Variants in SPTB observed in about 807,000 individuals in gnomAD.
SPTB encodes spectrin beta, erythrocytic, also known as spectrin beta chain, erythrocytic.
Under a neutral mutation model 256.2 loss-of-function variants are expected in SPTB, and 45 were observed. That is an observed-to-expected ratio of 0.18 (90% CI 0.14 to 0.23). The LOEUF (loss-of-function observed/expected upper bound fraction) is 0.23, where lower values mean the gene tolerates loss of function less well. SPTB is among the 10% of genes least tolerant of loss of function. SPTB has a pLI of 1.00. For synonymous variants in SPTB, 1,231 were observed against 1,243.1 expected, an observed-to-expected ratio of 0.99 and a Z score of 0.21; for missense variants, 2,715 against 3,040.4, an observed-to-expected ratio of 0.89 and a Z score of 2.52.
intron 1 of SPTB, among the ~76,000 whole-genome samples, chr14:64,839,608 TATAA>T (rs998876610): frequency 2.2e-4 from 33 of 152,284 alleles, no homozygotes; most frequent in African/African-American, 7.5e-4. Flanking sequence ...AAACTAAAAT[TATAA>T]ATAAACATAA....
rs375124101 is a variant in SPTB, at chr14:64,749,615, C to T, written c.6819+39G>A. The T allele has an allele frequency of 3.3e-5, 53 of 1,612,772 alleles. No individual in the cohort carries two copies. In the South Asian group the frequency reaches 4.3e-4, roughly 13 times the overall value. Reference sequence around the variant, plus strand: ...GCGGCCTGGGGTCCTCCACCTACCCCCTTCTTAGCCAGGTCTGGGCTAGGC... The same window carrying T: ...GCGGCCTGGGGTCCTCCACCTACCCTCTTCTTAGCCAGGTCTGGGCTAGGC... On this transcript the variant is annotated intron_variant, in intron 35 of 35. Coordinates refer to ENST00000644917, the MANE Select transcript of SPTB (RefSeq NM_001355436.2). This position sits in a 1 kb window ranked among gnomAD's most constrained non-coding sequence, Gnocchi z 4.7.
chr14:64,786,743 C>T lies in SPTB; in HGVS notation c.3222G>A (p.Gln1074=), dbSNP rs1483786886. The change falls in exon 16 of 36, where the codon CAG becomes CAA. Residue 1074 remains glutamine, a synonymous_variant. Coordinates refer to ENST00000644917, the MANE Select transcript of SPTB (RefSeq NM_001355436.2). The surrounding 1 kb of genome is among the most constrained non-coding windows in gnomAD (Gnocchi z 5.6). ...QAFLQDLDDF[Q]AWLSITQKAV... is the part of the protein sequence containing the mutation. ...CCTTCTGGGTGATGGAGAGCCAGGC[C>T]TGGAAGTCATCCAGATCCTGCAGGA... 6.2e-7 allele frequency: 1 copy of T among 1,614,146 alleles called. No individual in the cohort carries two copies. The highest frequency in any genetic ancestry group is 8.5e-7 in the Non-Finnish European group (1 of 1,180,038).
chr14:64,838,068 T>C (rs796859988), intron 1 of SPTB, among the ~76,000 whole-genome samples: 2 of 152,174 alleles, frequency 1.3e-5, no homozygotes, highest in Non-Finnish European at 2.9e-5. Context: ...GGCAAGAAGA[T>C]AGACATATAT....
intron 33 of SPTB, 23 bp downstream of exon 33, chr14:64,753,514 C>T (rs1229274911): frequency 6.2e-7 from 1 of 1,613,018 alleles, no homozygotes; most frequent in Admixed American, 1.7e-5. Flanking sequence ...CTACCCTCAG[C>T]CAGCAGCCTC....
Position 64,765,061 on chromosome 14 carries a change from GTGGA to G in SPTB, c.6345+1661_6345+1664del, listed in dbSNP as rs1190064724. Among the ~76,000 whole-genome samples the G allele has an allele frequency of 4.9e-5, 6 of 122,726 alleles. No individual in the cohort carries two copies. In the South Asian group the frequency reaches 7.5e-4, roughly 15 times the overall value. The allele number at this position is 122,726 out of a possible 152,430, so 80.5% of individuals were successfully genotyped here. ...GTGTGTGCGCGCGCGCGCGCGGGTG[GTGGA>G]TGGGGGTGGGTGGGGAGGGCATCTG... On this transcript the variant is annotated intron_variant, in intron 32 of 35. Transcript: ENST00000644917.
chr14:64,753,568 G>C lies in SPTB; in HGVS notation c.6571C>G (p.Leu2191Val). ...MEGYLGRKHD[L>V]EGPNKKASNR... ...GAAGCCTTCTTGTTGGGCCCCTCCAGGTCATGCTTGCGGCCCAGGTAGCCT... is the reference window on the plus strand; with the variant it reads ...GAAGCCTTCTTGTTGGGCCCCTCCACGTCATGCTTGCGGCCCAGGTAGCCT... The change falls in exon 33 of 36, where the codon CTG becomes GTG. Residue 2191 changes from leucine to valine, a missense_variant. By Grantham distance (32) the Leu-to-Val change is conservative. Transcript: ENST00000644917. 1 of 1,613,496 alleles carries C rather than the reference G, an allele frequency of 6.2e-7. No individual in the cohort carries two copies. Among genetic ancestry groups the C allele is most frequent in the Non-Finnish European group, 8.5e-7 (1 of 1,179,994 alleles).
Position 64,753,797 on chromosome 14 carries a change from C to T in SPTB, c.6346-4G>A, listed in dbSNP as rs748553498. 18 of 1,612,440 alleles carry T rather than the reference C, an allele frequency of 1.1e-5. No homozygotes were observed. The highest frequency in any genetic ancestry group is 1.4e-5 in the Non-Finnish European group (16 of 1,180,012). ...GCCACGTTCCCTCTTCTTCCCCCTG[C>T]TCAGGGCATAGGGAGGAGCACACCT... On this transcript the variant is annotated splice_polypyrimidine_tract_variant and splice_region_variant and intron_variant, in intron 32 of 35. Transcript: ENST00000644917.
rs549559478 is a variant in SPTB, at chr14:64,852,059, A to G, written c.-52+27733T>C. On this transcript the variant is annotated intron_variant, in intron 1 of 35. Transcript: ENST00000644917. The surrounding 1 kb of genome is among the most constrained non-coding windows in gnomAD (Gnocchi z 4.2). ...ATTTAAAAAGCCCCCAGTAGCTTGCAGTTGAGTATTTGAAAAGTTGTAAAA... is the reference window on the plus strand; with the variant it reads ...ATTTAAAAAGCCCCCAGTAGCTTGCGGTTGAGTATTTGAAAAGTTGTAAAA... Among the ~76,000 whole-genome samples, 1 of 152,212 alleles carries G rather than the reference A, an allele frequency of 6.6e-6. No homozygotes were observed. Among genetic ancestry groups the G allele is most frequent in the Non-Finnish European group, 1.5e-5 (1 of 68,030 alleles).
intron 1 of SPTB, among the ~76,000 whole-genome samples, chr14:64,850,827 T>G (rs1454606110): frequency 6.6e-6 from 1 of 152,228 alleles, no homozygotes; most frequent in African/African-American, 2.4e-5. Context: ...AACTCTGTTC[T>G]TCTGAAGTAT....
At chr14:64,763,996 C>A (rs1294498042) in intron 32 of SPTB, among the ~76,000 whole-genome samples, 2 of 152,136 alleles carry the variant, frequency 1.3e-5, no homozygotes, top group African/African-American at 4.8e-5. Flanking sequence ...CCCATCAGTT[C>A]CCCCCAGCAG....
At chr14:64,815,077 C>T (rs1048704074) in intron 2 of SPTB, among the ~76,000 whole-genome samples, 1 of 151,948 alleles carries the variant, frequency 6.6e-6, no homozygotes, top group African/African-American at 2.4e-5. Flanking sequence ...GTGAATTTAT[C>T]CAGAGCAAGG....
At chr14:64,830,784 C>T (rs552976712) in intron 1 of SPTB, among the ~76,000 whole-genome samples, 1 of 152,072 alleles carries the variant, frequency 6.6e-6, no homozygotes, top group African/African-American at 2.4e-5. Flanking sequence ...AGCCCTGCAC[C>T]ATTTGGTGCT....
chr14:64,855,856 T>G (rs957244411), intron 1 of SPTB, among the ~76,000 whole-genome samples: 1 of 152,118 alleles, frequency 6.6e-6, no homozygotes, highest in African/African-American at 2.4e-5. Flanking sequence ...CTCCACCCCT[T>G]CCTGTAGGGC....
chr14:64,776,280 A>T (rs2082354442), intron 22 of SPTB, among the ~76,000 whole-genome samples: 1 of 152,166 alleles, frequency 6.6e-6, no homozygotes, highest in South Asian at 2.1e-4. Context: ...AACCACATCT[A>T]CAAGTCACAT....
intron 10 of SPTB, among the ~76,000 whole-genome samples, chr14:64,797,187 C>T (rs1024331308): frequency 2.0e-5 from 3 of 152,026 alleles, no homozygotes; most frequent in South Asian, 2.1e-4. Context: ...AAAATGGACT[C>T]GGAGGCTGGG....
rs2082656326 is a variant in SPTB, at chr14:64,790,816, A to G, written c.2804+903T>C. ...GAATGCAGGCATTTGCGGTGTCCTCAAAGATCCTCCAGGAACTCATGGGCA... is the reference window on the plus strand; with the variant it reads ...GAATGCAGGCATTTGCGGTGTCCTCGAAGATCCTCCAGGAACTCATGGGCA... On this transcript the variant is annotated intron_variant, in intron 15 of 35. Coordinates refer to ENST00000644917, the MANE Select transcript of SPTB (RefSeq NM_001355436.2). This position sits in a 1 kb window ranked among gnomAD's most constrained non-coding sequence, Gnocchi z 4.8. Among the ~76,000 whole-genome samples the G allele has an allele frequency of 6.6e-6, 1 of 152,136 alleles. No homozygotes were observed. Among genetic ancestry groups the G allele is most frequent in the African/African-American group, 2.4e-5 (1 of 41,432 alleles).
intron 1 of SPTB, among the ~76,000 whole-genome samples, chr14:64,848,439 C>A (rs56327757): frequency 0.029 from 4,450 of 152,322 alleles, 101 homozygotes; most frequent in South Asian, 0.12. Flanking sequence ...CTCATCGTTT[C>A]TCTCTTGCTG....
intron 9 of SPTB, among the ~76,000 whole-genome samples, chr14:64,799,099 G>A (rs1369904096): frequency 2.0e-5 from 3 of 150,116 alleles, no homozygotes; most frequent in Non-Finnish European, 3.0e-5. Flanking sequence ...GTGTATGAGT[G>A]CACGGTTGTG....
chr14:64,859,413 T>C (rs1180318688), intron 1 of SPTB, among the ~76,000 whole-genome samples: 2 of 152,042 alleles, frequency 1.3e-5, no homozygotes, highest in Non-Finnish European at 2.9e-5. Flanking sequence ...ACGTAAGCTG[T>C]TAAATAGTAT....
Sources: allele counts gnomAD v4.1 joint callset (sites outside exome capture counted in the v4.1 genomes callset), GRCh38; gene constraint gnomAD v4.1.1; non-coding constraint Gnocchi (gnomAD v3.1); transcripts MANE v1.5; gene names NCBI Gene and HGNC (gene_info 2026-07-23, HGNC 2026-07-21).